MYO3A: variants seen among roughly 807,000 people sequenced by gnomAD.
MYO3A encodes the protein myosin IIIA, also known as myosin-IIIa.
In MYO3A, 180 loss-of-function variants were observed where a neutral mutation model predicts 192.7. The ratio of observed to expected loss-of-function variants is 0.93; its 90% CI spans 0.83 to 1.06. The LOEUF is 1.06. Among genes scored for constraint, MYO3A ranks in the 50% least tolerant of loss-of-function variants. MYO3A has a pLI of 0.00. For missense variants in MYO3A, 1,896 were observed against 1,905.0 expected, an observed-to-expected ratio of 1.00 and a Z score of 0.09; for synonymous variants, 628 against 645.3, an observed-to-expected ratio of 0.97 and a Z score of 0.41.
chr10:26,191,052 A>G (rs921913883), intron 31 of MYO3A, among the ~76,000 whole-genome samples: 1 of 152,226 alleles, frequency 6.6e-6, no homozygotes, highest in African/African-American at 2.4e-5. Context: ...ATTGAAGCCA[A>G]GTTAAAATTT....
intron 14 of MYO3A, among the ~76,000 whole-genome samples, chr10:26,086,687 T>A (rs1016713856): frequency 9.9e-5 from 15 of 152,050 alleles, no homozygotes; most frequent in African/African-American, 3.1e-4. Context: ...CCCTTGCCCA[T>A]CAACCACCCT....
At chr10:26,090,631 G>T (rs1470475190) in intron 15 of MYO3A, among the ~76,000 whole-genome samples, 2 of 152,034 alleles carry the variant, frequency 1.3e-5, no homozygotes, top group African/African-American at 4.8e-5. Flanking sequence ...AGTTCCAGAG[G>T]AGCTTTGAGT....
intron 17 of MYO3A, among the ~76,000 whole-genome samples, chr10:26,102,771 C>T (rs973079161): frequency 1.3e-5 from 2 of 152,182 alleles, no homozygotes; most frequent in African/African-American, 4.8e-5. Context: ...AGCTTCATCT[C>T]AGAGGGGCAC....
chr10:26,128,424 T>C lies in MYO3A; in HGVS notation c.2148T>C (p.Leu716=), dbSNP rs1038992547. The change falls in exon 20 of 35, where the codon CTT becomes CTC. Residue 716 remains leucine (L), a synonymous_variant. Coordinates refer to ENST00000642920, the MANE Select transcript of MYO3A (RefSeq NM_017433.5). ...GTGATGAGCTGAGCATTGGCATTCT[T>C]GATATATTTGGCTTTGAAAATTTCA... The part of the protein sequence containing the change: ...GNGDELSIGI[L]DIFGFENFKK... 1.9e-6 allele frequency: 3 copies of C among 1,613,190 alleles called. No homozygotes were observed. The highest frequency in any genetic ancestry group is 2.5e-6 in the Non-Finnish European group (3 of 1,179,364).
In MYO3A at chr10:26,021,653, G is replaced by T; in HGVS notation, c.731+5G>T. 6.2e-7 allele frequency: 1 copy of T among 1,614,044 alleles called. No individual in the cohort carries two copies. Among genetic ancestry groups the T allele is most frequent in the Non-Finnish European group, 8.5e-7 (1 of 1,179,948 alleles). Reference sequence around the variant, plus strand: ...AGCACTCTTCAAAATACCAAGGTCAGATGACTAACATTGGGTCCAGTATCT... The same window carrying T: ...AGCACTCTTCAAAATACCAAGGTCATATGACTAACATTGGGTCCAGTATCT... On this transcript the variant is annotated splice_donor_5th_base_variant and intron_variant, in intron 8 of 34. Transcript: ENST00000642920.
Position 26,096,555 on chromosome 10 carries a change from A to T in MYO3A, c.1662-13A>T. On this transcript the variant is annotated splice_polypyrimidine_tract_variant and intron_variant, in intron 16 of 34. Coordinates refer to ENST00000642920, the MANE Select transcript of MYO3A (RefSeq NM_017433.5). The stretch of plus-strand genomic sequence containing the variant: ...ATTTTAGACTTTTATCCTTCCTTTT[A>T]TATTTTTTTTAGGTACCTACAAAAT... 1 of 1,594,470 alleles carries T rather than the reference A, an allele frequency of 6.3e-7. No individual in the cohort carries two copies. Among genetic ancestry groups the T allele is most frequent in the Non-Finnish European group, 8.6e-7 (1 of 1,162,466 alleles).
intron 6 of MYO3A, among the ~76,000 whole-genome samples, chr10:26,014,560 T>A (rs958958949): frequency 5.9e-5 from 9 of 152,164 alleles, no homozygotes; most frequent in African/African-American, 2.2e-4. Flanking sequence ...AAATACTGTT[T>A]GACTTATGCA....
At chr10:26,200,238 A>G (rs571487523) in intron 32 of MYO3A, among the ~76,000 whole-genome samples, 8 of 152,198 alleles carry the variant, frequency 5.3e-5, no homozygotes, top group Non-Finnish European at 1.0e-4. Flanking sequence ...CTCATCTACT[A>G]TTTTAGAGCA....
intron 26 of MYO3A, among the ~76,000 whole-genome samples, chr10:26,165,148 G>T (rs1336259283): frequency 6.6e-6 from 1 of 152,144 alleles, no homozygotes; most frequent in Admixed American, 6.6e-5. Flanking sequence ...CTCATTTTTA[G>T]ATGAGGAAAT....
intron 31 of MYO3A, among the ~76,000 whole-genome samples, chr10:26,188,441 T>A (rs929560973): frequency 6.4e-4 from 97 of 152,342 alleles, no homozygotes; most frequent in African/African-American, 2.3e-3. Flanking sequence ...ATTCTGTAGG[T>A]TGCCTATTCA....
chr10:25,942,430 C>T (rs919478935), intron 2 of MYO3A, among the ~76,000 whole-genome samples: 1 of 152,094 alleles, frequency 6.6e-6, no homozygotes, highest in Admixed American at 6.5e-5. Flanking sequence ...CTCTTTGAGC[C>T]TTTGATTGAA....
At position 26,212,008 on chromosome 10, in the gene MYO3A, G is replaced by A. The variant is rs1844242580; in HGVS notation, c.*45G>A. On this transcript the variant is annotated 3_prime_UTR_variant, in exon 35 of 35. Transcript: ENST00000642920. Reference sequence around the variant, plus strand: ...CCGCCGTCGGAAGGCGCTGGAGCCTGCGGGGCAGCAGGGGCCAAGCAGGCA... The same window carrying A: ...CCGCCGTCGGAAGGCGCTGGAGCCTACGGGGCAGCAGGGGCCAAGCAGGCA... 6.3e-7 allele frequency: 1 copy of A among 1,599,454 alleles called. No homozygotes were observed. The highest frequency in any genetic ancestry group is 1.1e-5 in the South Asian group (1 of 90,152).
chr10:25,942,967 A>AT (rs1836596694), intron 2 of MYO3A, among the ~76,000 whole-genome samples: 1 of 151,184 alleles, frequency 6.6e-6, no homozygotes. Context: ...CAATTTATGT[A>AT]TTTTTTCTCT....
chr10:26,068,547 G>C (rs148856657), intron 11 of MYO3A, among the ~76,000 whole-genome samples: 1 of 152,156 alleles, frequency 6.6e-6, no homozygotes, highest in South Asian at 2.1e-4. Flanking sequence ...GAAAATGCAG[G>C]TAACAATGAC....
intron 26 of MYO3A, 95 bp downstream of exon 26, chr10:26,157,610 G>T (rs997865401): frequency 1.5e-6 from 2 of 1,319,534 alleles, no homozygotes; most frequent in Middle Eastern, 2.1e-4. Context: ...ATCTTTAGAG[G>T]TCTAGGAGGG....
chr10:26,040,403 A>G (rs1450520324), intron 10 of MYO3A, among the ~76,000 whole-genome samples: 1 of 152,174 alleles, frequency 6.6e-6, no homozygotes, highest in Non-Finnish European at 1.5e-5. Context: ...ACAATTGTTC[A>G]AGAACGATGT....
intron 4 of MYO3A, among the ~76,000 whole-genome samples, chr10:25,955,780 C>A (rs78522397): frequency 0.022 from 3,360 of 152,230 alleles, 128 homozygotes; most frequent in African/African-American, 0.073. Flanking sequence ...TATTTGACAG[C>A]TATAACAGCA....
At chr10:26,057,851 C>G (rs7894301) in intron 10 of MYO3A, among the ~76,000 whole-genome samples, 71,973 of 152,046 alleles carry the variant, frequency 0.47, 17,882 homozygotes, top group Middle Eastern at 0.59. Flanking sequence ...GTTTAAAGTT[C>G]ATAACAAAAT....
chr10:26,072,819 A>T (rs1835292994), intron 14 of MYO3A, among the ~76,000 whole-genome samples: 1 of 152,176 alleles, frequency 6.6e-6, no homozygotes, highest in Non-Finnish European at 1.5e-5. Flanking sequence ...GATGTTTCTT[A>T]TAAGCTCCAC....
Sources: gnomAD v4.1 joint callset for allele counts (sites outside exome capture counted in the v4.1 genomes callset) on GRCh38, gnomAD v4.1.1 for gene constraint, MANE v1.5 for transcripts, NCBI Gene and HGNC (gene_info 2026-07-23, HGNC 2026-07-21) for gene names.